Variants in ST8SIA6 observed in about 807,000 individuals in gnomAD.
The protein encoded by ST8SIA6 is alpha-2,8-sialyltransferase 8F.
Under a neutral mutation model 33.6 loss-of-function variants are expected in ST8SIA6, and 39 were observed. That is an observed-to-expected ratio of 1.16 (90% CI 0.90 to 1.52). ST8SIA6 has a LOEUF of 1.52. ST8SIA6 is among the 40% of genes most tolerant of loss of function. ST8SIA6 has a pLI of 0.00. For missense variants in ST8SIA6, 441 were observed against 443.8 expected (o/e 0.99, Z 0.06); for synonymous variants, 172 against 167.2 (o/e 1.03, Z -0.22).
At chr10:17,417,062 G>C (rs968205010) in intron 2 of ST8SIA6, among the ~76,000 whole-genome samples, 1 of 152,100 alleles carries the variant, frequency 6.6e-6, no homozygotes, top group Non-Finnish European at 1.5e-5. Context: ...ACAAAGCATC[G>C]TGCCAGCATC....
chr10:17,397,226 G>GTTTTTTTT (rs1483021820), intron 2 of ST8SIA6, among the ~76,000 whole-genome samples: 10 of 80,056 alleles, frequency 1.2e-4, no homozygotes, highest in East Asian at 3.2e-4. Context: ...TTTGCAAATT[G>GTTTTTTTT]TTTTTTGTTT....
chr10:17,432,020 C>T (rs183913167), intron 2 of ST8SIA6, among the ~76,000 whole-genome samples: 13 of 152,128 alleles, frequency 8.5e-5, no homozygotes, highest in African/African-American at 1.7e-4. Flanking sequence ...AAGCCGAAAA[C>T]CGGAAGCAAG....
intron 2 of ST8SIA6, among the ~76,000 whole-genome samples, chr10:17,415,530 A>G (rs1851575625): frequency 6.6e-6 from 1 of 151,974 alleles, no homozygotes; most frequent in African/African-American, 2.4e-5. Context: ...CCTCCTCTAA[A>G]TTGTCTGCAT....
At chr10:17,347,883 G>C (rs995079148) in intron 4 of ST8SIA6, among the ~76,000 whole-genome samples, 6 of 150,204 alleles carry the variant, frequency 4.0e-5, no homozygotes, top group South Asian at 2.1e-4. Context: ...TTGAACCCGG[G>C]AGATGGGGGT....
chr10:17,321,129 C>T lies in ST8SIA6; in HGVS notation c.946G>A (p.Val316Met), dbSNP rs1258062552. The T allele has an allele frequency of 6.2e-6, 10 of 1,614,106 alleles. No individual in the cohort carries two copies. In the East Asian group the frequency reaches 6.7e-5, roughly 11 times the overall value. The stretch of plus-strand genomic sequence containing the variant: ...CCGGTGGACAAGCGGTATGCAGTCA[C>T]ACCTTTAGTTCTCCAGAAAAGGGCC... ...DLALFWRTKGVTAYRLSTGLM... is the reference protein window; with the variant it reads ...DLALFWRTKGMTAYRLSTGLM... Residue 316 changes from valine to methionine, a missense_variant, in exon 8 of 8, where the codon GTG becomes ATG. Val to Met is a conservative substitution (Grantham distance 21). Transcript: ENST00000377602.
Position 17,323,069 on chromosome 10 carries a change from G to T in ST8SIA6, c.724C>A (p.Leu242Met). ...LVTINPSIIT[L>M]KYGNLKEKKA... ...ATGTAACTTGCAGCTACTTACTTCA[G>T]AGTTATGATGCTTGGATTTATAGTC... The change falls in exon 7 of 8, where the codon CTG (leucine) becomes ATG (methionine). Residue 242 changes from leucine to methionine, a missense_variant. By Grantham distance (15) the Leu-to-Met change is conservative (BLOSUM62 2). Transcript: ENST00000377602. The T allele has an allele frequency of 6.2e-7, 1 of 1,611,010 alleles. No individual in the cohort carries two copies. The highest frequency in any genetic ancestry group is 8.5e-7 in the Non-Finnish European group (1 of 1,178,170).
At chr10:17,378,521 G>A (rs1391042787) in intron 3 of ST8SIA6, among the ~76,000 whole-genome samples, 1 of 152,118 alleles carries the variant, frequency 6.6e-6, no homozygotes, top group Non-Finnish European at 1.5e-5. Context: ...GCATCATTTT[G>A]TCTATGTCTG....
In ST8SIA6 at chr10:17,359,616, C is replaced by A; in HGVS notation, c.291-16G>T. On this transcript the variant is annotated splice_polypyrimidine_tract_variant and intron_variant, in intron 3 of 7. Coordinates refer to ENST00000377602, the MANE Select transcript of ST8SIA6 (RefSeq NM_001004470.3). The stretch of plus-strand genomic sequence containing the variant: ...CTCTGAATACCTAAAAATTAAATGT[C>A]AATATAATTAGAAAATAATGATCTC... 6.7e-7 allele frequency: 1 copy of A among 1,491,008 alleles called. No individual in the cohort carries two copies. The highest frequency in any genetic ancestry group is 1.2e-5 in the South Asian group (1 of 82,084). The allele number at this position is 1,491,008 out of a possible 1,614,324, so 92.4% of individuals were successfully genotyped here.
chr10:17,448,697 G>A (rs1305318792), intron 2 of ST8SIA6, among the ~76,000 whole-genome samples: 1 of 151,696 alleles, frequency 6.6e-6, no homozygotes, highest in South Asian at 2.1e-4. Flanking sequence ...CTCACTGCAA[G>A]CTCCGCCTCC....
intron 2 of ST8SIA6, among the ~76,000 whole-genome samples, chr10:17,409,085 A>G (rs1483418006): frequency 6.6e-6 from 1 of 152,142 alleles, no homozygotes; most frequent in East Asian, 1.9e-4. Context: ...ATCCAGCTGA[A>G]ATAAGAATTT....
chr10:17,323,392 CTT>C (rs760856694), intron 6 of ST8SIA6, among the ~76,000 whole-genome samples: 61 of 111,872 alleles, frequency 5.5e-4, no homozygotes, highest in East Asian at 3.1e-3. Flanking sequence ...AAATATACAC[CTT>C]TTTTTTTTTT....
At chr10:17,359,817 A>G (rs1849325225) in intron 3 of ST8SIA6, among the ~76,000 whole-genome samples, 1 of 152,136 alleles carries the variant, frequency 6.6e-6, no homozygotes, top group Non-Finnish European at 1.5e-5. Context: ...TGCACATGTC[A>G]TAAGCCAAGT....
chr10:17,379,490 A>G (rs1324735391), intron 3 of ST8SIA6, among the ~76,000 whole-genome samples: 3 of 152,258 alleles, frequency 2.0e-5, no homozygotes, highest in Non-Finnish European at 4.4e-5. Context: ...GGAACTGCTT[A>G]GGGCAAACCT....
At chr10:17,368,407 C>CAAAACAAAAAAAAAAAAAAAA (rs1849627856) in intron 3 of ST8SIA6, among the ~76,000 whole-genome samples, 1 of 72,198 alleles carries the variant, frequency 1.4e-5, no homozygotes, top group Non-Finnish European at 2.9e-5. Flanking sequence ...AGCTCTGTCT[C>CAAAACAAAAAAAAAAAAAAAA]AAAAAAAAAA....
Position 17,321,030 on chromosome 10 carries a change from T to G in ST8SIA6, c.1045A>C (p.Thr349Pro), listed in dbSNP as rs200001781. 5.3e-5 allele frequency: 86 copies of G among 1,614,006 alleles called. No individual in the cohort carries two copies. Among genetic ancestry groups the G allele is most frequent in the Non-Finnish European group, 6.6e-5 (78 of 1,179,952 alleles). Residue 349 changes from threonine to proline, a missense_variant, in exon 8 of 8, where the codon ACT becomes CCT. Coordinates refer to ENST00000377602, the MANE Select transcript of ST8SIA6 (RefSeq NM_001004470.3). ...KLYGFWPFSK[T>P]VEDIPVSHHY... Reference sequence around the variant, plus strand: ...TGGCTGACAGGTATGTCTTCTACAGTTTTAGAGAAGGGCCAGAATCCATAC... The same window carrying G: ...TGGCTGACAGGTATGTCTTCTACAGGTTTAGAGAAGGGCCAGAATCCATAC...
intron 4 of ST8SIA6, among the ~76,000 whole-genome samples, chr10:17,347,523 C>T (rs1042006753): frequency 1.1e-4 from 17 of 151,882 alleles, no homozygotes; most frequent in Non-Finnish European, 2.1e-4. Flanking sequence ...AACGGGATCA[C>T]GTTGCAGAAT....
At chr10:17,337,075 C>T (rs1347945945) in intron 4 of ST8SIA6, among the ~76,000 whole-genome samples, 1 of 152,046 alleles carries the variant, frequency 6.6e-6, no homozygotes, top group Non-Finnish European at 1.5e-5. Context: ...TGGATTTCCC[C>T]CTAGCTGTTC....
intron 2 of ST8SIA6, among the ~76,000 whole-genome samples, chr10:17,413,115 A>T (rs1433067996): frequency 6.6e-6 from 1 of 152,104 alleles, no homozygotes; most frequent in Non-Finnish European, 1.5e-5. Context: ...TATCTAAAAC[A>T]CCTCTTTTTC....
intron 6 of ST8SIA6, among the ~76,000 whole-genome samples, chr10:17,326,185 A>G (rs534233327): frequency 4.1e-4 from 62 of 152,202 alleles, no homozygotes; most frequent in African/African-American, 1.5e-3. Flanking sequence ...TTTACTAGAA[A>G]CCCTGTTTCT....
Sources: allele counts gnomAD v4.1 joint callset (sites outside exome capture counted in the v4.1 genomes callset), GRCh38; gene constraint gnomAD v4.1.1; transcripts MANE v1.5; gene names NCBI Gene and HGNC (gene_info 2026-07-23, HGNC 2026-07-21).